Variants in TCF7L2 observed in about 807,000 individuals in gnomAD.
TCF7L2 encodes the protein transcription factor 7 like 2, also known as transcription factor 7-like 2.
Under a neutral mutation model 77.9 loss-of-function variants are expected in TCF7L2, and 23 were observed. That is an observed-to-expected ratio of 0.30 (90% confidence interval 0.21 to 0.42). TCF7L2 has a LOEUF of 0.42. Among genes scored for constraint, TCF7L2 ranks in the 10% least tolerant of loss-of-function variants. TCF7L2 has a pLI of 1.00. For synonymous variants in TCF7L2, 413 were observed against 340.2 expected, an observed-to-expected ratio of 1.21 and a Z score of -2.36; for missense variants, 654 against 793.1, an observed-to-expected ratio of 0.82 and a Z score of 2.11.
chr10:113,070,694 T>C (rs933177993), intron 5 of TCF7L2, among the ~76,000 whole-genome samples: 2 of 152,212 alleles, frequency 1.3e-5, no homozygotes, highest in Non-Finnish European at 2.9e-5. Context: ...AGATGATCTT[T>C]AGGAAATTTT....
At chr10:112,961,220 G>A (rs1177555235) in intron 3 of TCF7L2, among the ~76,000 whole-genome samples, 1 of 142,494 alleles carries the variant, frequency 7.0e-6, no homozygotes, top group Admixed American at 7.1e-5. Flanking sequence ...TCACCATGTT[G>A]GTCAGGCTGG....
At chr10:113,042,515 AT>A (rs1279125480) in intron 5 of TCF7L2, among the ~76,000 whole-genome samples, 1 of 152,164 alleles carries the variant, frequency 6.6e-6, no homozygotes, top group Admixed American at 6.5e-5. Flanking sequence ...CATTTGTGAA[AT>A]ACTTGAATGC....
Position 112,966,209 on chromosome 10 carries a change from T to TATATATATA in TCF7L2, c.450+1587_450+1588insATATATAAT, listed in dbSNP as rs1305413204. Among the ~76,000 whole-genome samples, 18 of 131,484 alleles carry TATATATATA rather than the reference T, an allele frequency of 1.4e-4. 1 individual carries two copies. The highest frequency in any genetic ancestry group is 2.9e-4 in the Admixed American group (4 of 13,626). The allele number at this position is 131,484 out of a possible 152,430, so 86.3% of individuals were successfully genotyped here. ...TTATATATATATATATATATATATA[T>TATATATATA]ATTTTCTTTTCTTGATTACTTCTGC... On this transcript the variant is annotated intron_variant, in intron 4 of 13. Coordinates refer to ENST00000627217, the MANE Select transcript of TCF7L2 (RefSeq NM_001146274.2).
chr10:113,063,852 C>T (rs2056855853), intron 5 of TCF7L2, among the ~76,000 whole-genome samples: 1 of 150,632 alleles, frequency 6.6e-6, no homozygotes, highest in South Asian at 2.1e-4. Flanking sequence ...GAAGAGTAGG[C>T]AGTAGGAGAA....
intron 11 of TCF7L2, chr10:113,157,701 C>G (rs113710525): frequency 3.9e-6 from 1 of 258,108 alleles, no homozygotes; most frequent in African/African-American, 2.2e-5. Context: ...TTCCTCGTGC[C>G]GTCCCCCATT....
intron 4 of TCF7L2, among the ~76,000 whole-genome samples, chr10:113,013,205 G>A (rs1359218792): frequency 1.5e-5 from 2 of 134,394 alleles, no homozygotes; most frequent in Non-Finnish European, 3.1e-5. Flanking sequence ...TGCAACCTCC[G>A]CCTCCCAGGT....
intron 4 of TCF7L2, among the ~76,000 whole-genome samples, chr10:113,013,634 A>G (rs138768099): frequency 2.0e-5 from 3 of 152,236 alleles, no homozygotes; most frequent in Non-Finnish European, 4.4e-5. Context: ...TGGGGTCAGC[A>G]GAAAGAAATG....
chr10:113,085,581 G>A (rs549962829), intron 5 of TCF7L2, among the ~76,000 whole-genome samples: 5 of 152,298 alleles, frequency 3.3e-5, no homozygotes, highest in African/African-American at 9.6e-5. Flanking sequence ...GGGGCAGTAA[G>A]CTCATAAAGA....
intron 4 of TCF7L2, among the ~76,000 whole-genome samples, chr10:112,995,800 C>T (rs1050017403): frequency 2.0e-5 from 3 of 152,134 alleles, no homozygotes; most frequent in African/African-American, 7.2e-5. Flanking sequence ...GCCCTGGCCT[C>T]TTCCTTTATT....
At chr10:113,091,390 A>T (rs1024980254) in intron 5 of TCF7L2, among the ~76,000 whole-genome samples, 2 of 152,172 alleles carry the variant, frequency 1.3e-5, no homozygotes, top group Non-Finnish European at 2.9e-5. Flanking sequence ...CATGTACTAA[A>T]GTGGAAATCC....
At chr10:113,064,599 G>A (rs2056990404) in intron 5 of TCF7L2, among the ~76,000 whole-genome samples, 1 of 152,220 alleles carries the variant, frequency 6.6e-6, no homozygotes, top group Non-Finnish European at 1.5e-5. Context: ...CTGTTCATCA[G>A]CTTTTCCCTT....
chr10:113,102,961 T>C (rs1009532120), intron 5 of TCF7L2, among the ~76,000 whole-genome samples: 1 of 152,264 alleles, frequency 6.6e-6, no homozygotes, highest in African/African-American at 2.4e-5. Context: ...CGCTAACATG[T>C]ACTCAGCACT....
intron 5 of TCF7L2, among the ~76,000 whole-genome samples, chr10:113,076,888 T>C (rs1378306838): frequency 6.6e-6 from 1 of 152,242 alleles, no homozygotes; most frequent in East Asian, 1.9e-4. Context: ...GAGGTGACTC[T>C]TCCCCCTCCC....
chr10:112,958,480 T>G (rs1029134768), intron 3 of TCF7L2, among the ~76,000 whole-genome samples: 2 of 151,900 alleles, frequency 1.3e-5, no homozygotes, highest in Non-Finnish European at 2.9e-5. Flanking sequence ...GATAAATCAC[T>G]TGCATATTTG....
chr10:113,130,919 C>T (rs530919635), intron 5 of TCF7L2, among the ~76,000 whole-genome samples: 1 of 152,128 alleles, frequency 6.6e-6, no homozygotes, highest in Admixed American at 6.5e-5. Context: ...GCACCCGCCA[C>T]CATGCCCAGA....
At chr10:113,063,404 C>T (rs1394234426) in intron 5 of TCF7L2, among the ~76,000 whole-genome samples, 2 of 152,158 alleles carry the variant, frequency 1.3e-5, no homozygotes, top group Non-Finnish European at 2.9e-5. Context: ...TTGTGTCCTC[C>T]CAGTTTCTTA....
intron 5 of TCF7L2, among the ~76,000 whole-genome samples, chr10:113,066,180 T>C (rs747519538): frequency 1.3e-5 from 2 of 152,092 alleles, no homozygotes; most frequent in Non-Finnish European, 2.9e-5. Context: ...CTGGCTAACA[T>C]GGTGAAACCC....
intron 5 of TCF7L2, among the ~76,000 whole-genome samples, chr10:113,085,077 C>CT (rs944902759): frequency 1.3e-4 from 19 of 151,112 alleles, no homozygotes; most frequent in Non-Finnish European, 2.7e-4. Context: ...TGACACCTTT[C>CT]TTTTTTTTTA....
intron 13 of TCF7L2, among the ~76,000 whole-genome samples, chr10:113,163,939 T>G (rs1286586796): frequency 6.6e-6 from 1 of 152,210 alleles, no homozygotes; most frequent in Non-Finnish European, 1.5e-5. Flanking sequence ...CAGCACACCC[T>G]TCCTTTCCAA....
Sources: allele counts gnomAD v4.1 joint callset (sites outside exome capture counted in the v4.1 genomes callset), GRCh38; gene constraint gnomAD v4.1.1; transcripts MANE v1.5; gene names NCBI Gene and HGNC (gene_info 2026-07-23, HGNC 2026-07-21).